Variants in PARP8 observed in about 807,000 individuals in gnomAD.
The protein encoded by PARP8 is protein mono-ADP-ribosyltransferase PARP8.
Under a neutral mutation model 124.1 loss-of-function variants are expected in PARP8, and 51 were observed. The ratio of observed to expected loss-of-function variants is 0.41; its 90% CI spans 0.33 to 0.52. The LOEUF is 0.52. PARP8 is among the 20% of genes least tolerant of loss of function. PARP8 has a pLI of 0.21. For missense variants in PARP8, 860 were observed against 1,018.9 expected (o/e 0.84, Z 2.12); for synonymous variants, 391 against 361.5 (o/e 1.08, Z -0.93).
At chr5:50,673,492 G>A (rs1750274009) in intron 2 of PARP8, among the ~76,000 whole-genome samples, 1 of 152,120 alleles carries the variant, frequency 6.6e-6, no homozygotes, top group African/African-American at 2.4e-5. Flanking sequence ...ACACAAATAA[G>A]TATTTTGTCA....
At chr5:50,754,065 TAG>T (rs1473421651) in intron 3 of PARP8, among the ~76,000 whole-genome samples, 4 of 139,522 alleles carry the variant, frequency 2.9e-5, no homozygotes, top group Admixed American at 1.4e-4. Flanking sequence ...AAAAAGAGCT[TAG>T]AAGTCAAGAT....
At chr5:50,829,331 G>A (rs1216294043) in intron 21 of PARP8, among the ~76,000 whole-genome samples, 1 of 152,062 alleles carries the variant, frequency 6.6e-6, no homozygotes, top group African/African-American at 2.4e-5. Context: ...TGACATTTTA[G>A]ATGATTCAAT....
At chr5:50,761,510 C>A (rs928777202) in intron 5 of PARP8, among the ~76,000 whole-genome samples, 16 of 151,798 alleles carry the variant, frequency 1.1e-4, no homozygotes, top group Admixed American at 3.9e-4. Context: ...ATAAGCTTGC[C>A]AAATGTTTTA....
intron 12 of PARP8, among the ~76,000 whole-genome samples, chr5:50,796,237 G>A (rs2149652905): frequency 6.6e-6 from 1 of 152,132 alleles, no homozygotes; most frequent in African/African-American, 2.4e-5. Context: ...CCATTAATGT[G>A]TAAACACTCA....
chr5:50,833,815 ATAACT>A lies in PARP8; in HGVS notation c.2308-160_2308-156del, dbSNP rs1747258263. On this transcript the variant is annotated intron_variant, in intron 23 of 25. Transcript: ENST00000281631. The stretch of plus-strand genomic sequence containing the variant: ...TAATGATGATGTACAGAAATTAAAA[ATAACT>A]TAATATTAAGAGAGTGCAAGGAAAT... Among the ~76,000 whole-genome samples, 4 of 152,190 alleles carry A rather than the reference ATAACT, an allele frequency of 2.6e-5. No individual in the cohort carries two copies. In the South Asian group the frequency reaches 8.3e-4, roughly 32 times the overall value.
chr5:50,669,872 G>A (rs111973648), intron 2 of PARP8, among the ~76,000 whole-genome samples: 40 of 152,246 alleles, frequency 2.6e-4, no homozygotes, highest in African/African-American at 8.7e-4. Flanking sequence ...GGCTAAGATC[G>A]AGCACAAGTG....
At chr5:50,809,977 A>T (rs572481754) in intron 14 of PARP8, among the ~76,000 whole-genome samples, 1 of 152,058 alleles carries the variant, frequency 6.6e-6, no homozygotes, top group Non-Finnish European at 1.5e-5. Context: ...AGGTTCTAAA[A>T]TATTCTTCAG....
intron 7 of PARP8, among the ~76,000 whole-genome samples, chr5:50,769,621 T>A (rs1580274959): frequency 6.6e-6 from 1 of 151,560 alleles, no homozygotes; most frequent in South Asian, 2.1e-4. Context: ...ATATTTATAG[T>A]GTAAACAAAA....
rs1363451513 is a variant in PARP8 at position 50,666,842 on chromosome 5, G to T, written c.-254G>T. 1.5e-6 allele frequency: 2 copies of T among 1,342,416 alleles called. No individual in the cohort carries two copies. The highest frequency in any genetic ancestry group is 1.9e-6 in the Non-Finnish European group (2 of 1,043,346). The allele number at this position is 1,342,416 out of a possible 1,614,324, so 83.2% of individuals were successfully genotyped here. Reference sequence around the variant, plus strand: ...CCATTGTCAGAAGGGGAGGAAATTGGAATCCAGCAGCGGCGAGCAGCAGCT... The same window carrying T: ...CCATTGTCAGAAGGGGAGGAAATTGTAATCCAGCAGCGGCGAGCAGCAGCT... On this transcript the variant is annotated 5_prime_UTR_variant, in exon 1 of 26. Transcript: ENST00000281631.
intron 22 of PARP8, among the ~76,000 whole-genome samples, chr5:50,832,482 A>G (rs1747092045): frequency 6.6e-6 from 1 of 152,174 alleles, no homozygotes; most frequent in African/African-American, 2.4e-5. Context: ...GATAGTGGGA[A>G]TGAAAGTTAG....
Position 50,821,350 on chromosome 5 carries a change from T to A in PARP8, c.1794+12T>A. The stretch of plus-strand genomic sequence containing the variant: ...CCTTCAACCCCAGGGTAAGTTGTTA[T>A]CATGGCACACCAATCACAAAGTTTT... On this transcript the variant is annotated intron_variant, in intron 16 of 25. Transcript: ENST00000281631. 2 of 1,613,862 alleles carry A rather than the reference T, an allele frequency of 1.2e-6. No homozygotes were observed. The highest frequency in any genetic ancestry group is 1.7e-6 in the Non-Finnish European group (2 of 1,179,756).
intron 3 of PARP8, among the ~76,000 whole-genome samples, chr5:50,758,228 A>G (rs1422919306): frequency 2.0e-5 from 3 of 152,198 alleles, no homozygotes; most frequent in African/African-American, 7.2e-5. Flanking sequence ...CCCACTCGAT[A>G]AGCATGAAAA....
intron 2 of PARP8, among the ~76,000 whole-genome samples, chr5:50,714,274 T>C (rs887008825): frequency 6.6e-6 from 1 of 151,972 alleles, no homozygotes; most frequent in African/African-American, 2.4e-5. Context: ...TGGCTCAACA[T>C]AGACAAATAA....
chr5:50,817,120 T>C (rs766611999), intron 15 of PARP8, among the ~76,000 whole-genome samples: 1 of 152,172 alleles, frequency 6.6e-6, no homozygotes, highest in Non-Finnish European at 1.5e-5. Context: ...TAGTAAATTA[T>C]AAATTAGAAG....
At chr5:50,755,127 G>A (rs1456058007) in intron 3 of PARP8, among the ~76,000 whole-genome samples, 5 of 152,108 alleles carry the variant, frequency 3.3e-5, no homozygotes, top group Non-Finnish European at 5.9e-5. Context: ...CCATTCTGTA[G>A]GCTGCCTGTT....
chr5:50,742,424 T>A (rs2149536560), intron 2 of PARP8, among the ~76,000 whole-genome samples: 1 of 152,164 alleles, frequency 6.6e-6, no homozygotes, highest in East Asian at 1.9e-4. Context: ...GATGGATTAA[T>A]CTTAGATTAC....
chr5:50,733,105 C>A (rs1757139714), intron 2 of PARP8, among the ~76,000 whole-genome samples: 1 of 151,688 alleles, frequency 6.6e-6, no homozygotes, highest in South Asian at 2.1e-4. Flanking sequence ...AGTTTGAGAA[C>A]AGTCTGGCCA....
intron 7 of PARP8, among the ~76,000 whole-genome samples, chr5:50,764,616 G>T (rs1760874627): frequency 6.6e-6 from 1 of 152,050 alleles, no homozygotes; most frequent in Admixed American, 6.5e-5. Context: ...GAAAGTGTTG[G>T]GATTATATTT....
chr5:50,678,631 C>T (rs560828090), intron 2 of PARP8, among the ~76,000 whole-genome samples: 3 of 152,188 alleles, frequency 2.0e-5, no homozygotes, highest in South Asian at 4.2e-4. Context: ...CATAAACTAT[C>T]GGATTAAACT....
Sources: allele counts gnomAD v4.1 joint callset (sites outside exome capture counted in the v4.1 genomes callset), GRCh38; gene constraint gnomAD v4.1.1; transcripts MANE v1.5; gene names NCBI Gene and HGNC (gene_info 2026-07-23, HGNC 2026-07-21).